The following PPP2R5A variants were observed in gnomAD, a reference collection of about 807,000 sequenced individuals.
PPP2R5A encodes protein phosphatase 2 regulatory subunit B'alpha.
A neutral mutation model predicts 64.2 loss-of-function variants in PPP2R5A; 25 were observed. That is an observed-to-expected ratio of 0.39 (90% CI 0.28 to 0.54). The LOEUF (loss-of-function observed/expected upper bound fraction) is 0.54, where lower values mean the gene tolerates loss of function less well. Among genes scored for constraint, PPP2R5A ranks in the 20% least tolerant of loss-of-function variants. PPP2R5A has a pLI of 0.67. For synonymous variants in PPP2R5A, 198 were observed against 201.2 expected (o/e 0.98, Z 0.13); for missense variants, 425 against 576.3 (o/e 0.74, Z 2.69).
intron 1 of PPP2R5A, among the ~76,000 whole-genome samples, chr1:212,293,854 C>G (rs897683042): frequency 6.6e-6 from 1 of 152,094 alleles, no homozygotes; most frequent in African/African-American, 2.4e-5. Context: ...TGAATGGGAT[C>G]TCAGAAGTCA....
chr1:212,318,149 A>G (rs1282942249), intron 1 of PPP2R5A, among the ~76,000 whole-genome samples: 1 of 152,166 alleles, frequency 6.6e-6, no homozygotes. Context: ...CCATGCAGGG[A>G]TTTTTACAGT....
chr1:212,312,884 T>A (rs1659064522), intron 1 of PPP2R5A, among the ~76,000 whole-genome samples: 1 of 152,172 alleles, frequency 6.6e-6, no homozygotes, highest in Non-Finnish European at 1.5e-5. Flanking sequence ...ATTTTGATAA[T>A]GTGGGATTTA....
At chr1:212,354,901 T>C (rs760722170) in intron 8 of PPP2R5A, among the ~76,000 whole-genome samples, 1 of 152,226 alleles carries the variant, frequency 6.6e-6, no homozygotes, top group Admixed American at 6.5e-5. Context: ...TACAGGTTTG[T>C]AGCCTAGGAG....
At position 212,361,661 on chromosome 1, in the gene PPP2R5A, T is replaced by G. The variant is rs1196402737; in HGVS notation, c.*891T>G. 1 of 152,708 alleles carries G rather than the reference T, an allele frequency of 6.5e-6. No individual in the cohort carries two copies. The highest frequency in any genetic ancestry group is 2.4e-5 in the African/African-American group (1 of 41,470). The allele number at this position is 152,708 out of a possible 1,614,324, so 9.5% of individuals were successfully genotyped here. Reference sequence around the variant, plus strand: ...TTTATTTAAAGGAACTGCAGTAGGCTTCCTCTGTAGAGCTCTGAAAAGGTT... The same window carrying G: ...TTTATTTAAAGGAACTGCAGTAGGCGTCCTCTGTAGAGCTCTGAAAAGGTT... On this transcript the variant is annotated 3_prime_UTR_variant, in exon 13 of 13. Transcript: ENST00000261461.
chr1:212,303,561 C>A (rs542692537), intron 1 of PPP2R5A, among the ~76,000 whole-genome samples: 2 of 152,112 alleles, frequency 1.3e-5, no homozygotes, highest in Admixed American at 1.3e-4. Flanking sequence ...AGTCTAAATT[C>A]TCTTTTTTCT....
chr1:212,299,746 G>A (rs979217921), intron 1 of PPP2R5A: 4 of 151,948 alleles, frequency 2.6e-5, no homozygotes, highest in African/African-American at 7.3e-5. Context: ...TGAACATAAA[G>A]TAGCAAATAT....
chr1:212,320,584 C>G (rs1263525630), intron 1 of PPP2R5A, among the ~76,000 whole-genome samples: 1 of 148,946 alleles, frequency 6.7e-6, no homozygotes, highest in Non-Finnish European at 1.5e-5. Flanking sequence ...GCTGACCCCC[C>G]CGCCTCCCTC....
chr1:212,291,948 T>C (rs753896727), intron 1 of PPP2R5A, among the ~76,000 whole-genome samples: 12 of 152,242 alleles, frequency 7.9e-5, no homozygotes, highest in Non-Finnish European at 1.3e-4. Context: ...TTTCAACCAC[T>C]TTGGGATGTA....
intron 1 of PPP2R5A, among the ~76,000 whole-genome samples, chr1:212,288,434 A>G (rs1028668474): frequency 6.6e-6 from 1 of 152,256 alleles, no homozygotes; most frequent in Admixed American, 6.5e-5. Context: ...AGTAAAGAAG[A>G]AAGTAAATTG....
At chr1:212,345,549 A>G (rs1188057091) in intron 4 of PPP2R5A, among the ~76,000 whole-genome samples, 1 of 152,192 alleles carries the variant, frequency 6.6e-6, no homozygotes, top group Non-Finnish European at 1.5e-5. Flanking sequence ...AATCAGTGGG[A>G]AGGTAAAGAA....
intron 1 of PPP2R5A, among the ~76,000 whole-genome samples, chr1:212,310,658 T>C (rs1193137996): frequency 2.0e-5 from 3 of 152,210 alleles, no homozygotes; most frequent in Non-Finnish European, 4.4e-5. Flanking sequence ...TCTTCCAGTG[T>C]GGAATCACAA....
chr1:212,345,898 A>C lies in PPP2R5A; in HGVS notation c.669A>C (p.Ala223=), dbSNP rs1223034749. ...RIYGKFLGLR[A]FIRKQINNIF... ...ATGGGAAATTTCTTGGATTAAGAGCATTCATCAGAAAACAAATTAACAACA... is the reference window on the plus strand; with the variant it reads ...ATGGGAAATTTCTTGGATTAAGAGCCTTCATCAGAAAACAAATTAACAACA... Residue 223 remains alanine (A), a synonymous_variant, in exon 5 of 13, where the codon GCA becomes GCC. Coordinates refer to ENST00000261461, the MANE Select transcript of PPP2R5A (RefSeq NM_006243.4). The C allele has an allele frequency of 1.2e-6, 2 of 1,608,942 alleles. No individual in the cohort carries two copies. The highest frequency in any genetic ancestry group is 1.7e-6 in the Non-Finnish European group (2 of 1,176,894).
chr1:212,314,628 G>A (rs1417268277), intron 1 of PPP2R5A, among the ~76,000 whole-genome samples: 1 of 149,280 alleles, frequency 6.7e-6, no homozygotes, highest in South Asian at 2.1e-4. Flanking sequence ...TCAAGTCTCA[G>A]CTCACTGCAA....
At chr1:212,326,145 T>C (rs1659403827) in intron 1 of PPP2R5A, among the ~76,000 whole-genome samples, 1 of 152,152 alleles carries the variant, frequency 6.6e-6, no homozygotes. Context: ...TGTTGGCTAG[T>C]GGTTCATTTT....
chr1:212,342,710 T>C (rs1295990525), intron 4 of PPP2R5A, among the ~76,000 whole-genome samples: 1 of 152,190 alleles, frequency 6.6e-6, no homozygotes, highest in African/African-American at 2.4e-5. Flanking sequence ...ATTTGGGCTT[T>C]AGGCTCCTTT....
chr1:212,315,419 G>T (rs1201563366), intron 1 of PPP2R5A, among the ~76,000 whole-genome samples: 1 of 152,108 alleles, frequency 6.6e-6, no homozygotes, highest in Non-Finnish European at 1.5e-5. Flanking sequence ...TCTGTAGTCA[G>T]ATATATATTA....
intron 4 of PPP2R5A, among the ~76,000 whole-genome samples, chr1:212,344,814 A>G (rs1659745443): frequency 6.6e-6 from 1 of 152,140 alleles, no homozygotes; most frequent in Non-Finnish European, 1.5e-5. Flanking sequence ...CAATTGAGGT[A>G]TAGGAGAGTG....
intron 2 of PPP2R5A, among the ~76,000 whole-genome samples, chr1:212,330,346 T>C (rs1477467848): frequency 6.6e-6 from 1 of 151,860 alleles, no homozygotes; most frequent in African/African-American, 2.4e-5. Flanking sequence ...CTGGCCAGCA[T>C]AGCAAGGACC....
At chr1:212,286,374 G>A in intron 1 of PPP2R5A, 83 bp downstream of exon 1, 1 of 1,367,104 alleles carries the variant, frequency 7.3e-7, no homozygotes, top group South Asian at 1.6e-5. Context: ...ATTTCCTGCT[G>A]GGTTTCTCCT....
Sources: gnomAD v4.1 joint callset for allele counts (sites outside exome capture counted in the v4.1 genomes callset) on GRCh38, gnomAD v4.1.1 for gene constraint, MANE v1.5 for transcripts, NCBI Gene and HGNC (gene_info 2026-07-23, HGNC 2026-07-21) for gene names.